The following PTPRN2 variants were observed in gnomAD, a reference collection of about 807,000 sequenced individuals.
PTPRN2 encodes protein tyrosine phosphatase receptor type N2.
PTPRN2 carries 74 observed loss-of-function variants against 118.8 expected under a neutral mutation model. That is an observed-to-expected ratio of 0.62 (90% CI 0.52 to 0.76). The LOEUF is 0.76. Among genes scored for constraint, PTPRN2 ranks in the 30% least tolerant of loss-of-function variants. PTPRN2 has a pLI of 0.00. For missense variants in PTPRN2, 1,481 were observed against 1,394.4 expected (o/e 1.06, Z -0.99); for synonymous variants, 641 against 608.0 (o/e 1.05, Z -0.80).
chr7:158,579,854 G>A (rs562225294), intron 1 of PTPRN2, among the ~76,000 whole-genome samples: 6 of 152,320 alleles, frequency 3.9e-5, no homozygotes, highest in East Asian at 3.9e-4. Flanking sequence ...CATGGATGCC[G>A]CAAGTCTTCT....
At position 158,479,263 on chromosome 7, in the gene PTPRN2, TTC is replaced by T. The variant is rs1395141607; in HGVS notation, c.163+10470_163+10471del. On this transcript the variant is annotated intron_variant, in intron 2 of 22. Transcript: ENST00000389418. ...GCACAGGAGGTACTCAGCCTGGACT[TTC>T]TGTGAGCGCTCAATACAAAACAGCC... Among the ~76,000 whole-genome samples the T allele has an allele frequency of 3.3e-5, 5 of 151,966 alleles. No individual in the cohort carries two copies. In the East Asian group the frequency reaches 9.7e-4, roughly 29 times the overall value.
intron 1 of PTPRN2, among the ~76,000 whole-genome samples, chr7:158,537,176 G>C (rs1226921118): frequency 1.3e-5 from 2 of 152,074 alleles, no homozygotes; most frequent in African/African-American, 2.4e-5. Context: ...CCAGCCTCCA[G>C]AAATGTGAAA....
intron 11 of PTPRN2, among the ~76,000 whole-genome samples, chr7:157,928,615 C>A (rs1320248823): frequency 6.8e-6 from 1 of 147,628 alleles, no homozygotes; most frequent in Non-Finnish European, 1.5e-5. Context: ...CTCTCACAAG[C>A]TGATCAATCT....
chr7:157,814,869 C>T (rs1383546531), intron 12 of PTPRN2, among the ~76,000 whole-genome samples: 4 of 152,196 alleles, frequency 2.6e-5, no homozygotes, highest in Non-Finnish European at 4.4e-5. Flanking sequence ...TTGCAGAGGG[C>T]GCCTCTGCAC....
rs564534486 is a variant in PTPRN2, at chr7:158,478,090, G to A, written c.163+11645C>T. On this transcript the variant is annotated intron_variant, in intron 2 of 22. Transcript: ENST00000389418. ...GGGGTGGTAGGCAGGCCATGCTGCA[G>A]AGTCACCACGGAGCGTGGGACAGGC... Among the ~76,000 whole-genome samples the A allele has an allele frequency of 7.2e-5, 11 of 152,370 alleles. No individual in the cohort carries two copies. The South Asian group carries it at 2.3e-3, about 32-fold the overall frequency.
chr7:158,522,901 G>A (rs1383846631), intron 1 of PTPRN2, among the ~76,000 whole-genome samples: 1 of 152,224 alleles, frequency 6.6e-6, no homozygotes, highest in East Asian at 1.9e-4. Flanking sequence ...GAACAGACCT[G>A]CCGTGAGAAG....
chr7:157,728,426 C>T (rs1171625740), intron 12 of PTPRN2, among the ~76,000 whole-genome samples: 1 of 152,232 alleles, frequency 6.6e-6, no homozygotes, highest in Non-Finnish European at 1.5e-5. Flanking sequence ...GCGCCCATGG[C>T]GGCTGGGGTT....
intron 2 of PTPRN2, among the ~76,000 whole-genome samples, chr7:158,436,884 G>A (rs1219563801): frequency 6.6e-6 from 1 of 152,002 alleles, no homozygotes; most frequent in Non-Finnish European, 1.5e-5. Flanking sequence ...GGTTTTCTTT[G>A]TGTTCATTCT....
intron 3 of PTPRN2, among the ~76,000 whole-genome samples, chr7:158,243,069 T>G (rs1194484230): frequency 6.6e-6 from 1 of 152,230 alleles, no homozygotes; most frequent in African/African-American, 2.4e-5. Flanking sequence ...GGGCTTAGTT[T>G]GTTCTTCATT....
chr7:158,497,997 A>G (rs534679892), intron 1 of PTPRN2, among the ~76,000 whole-genome samples: 69 of 152,382 alleles, frequency 4.5e-4, no homozygotes, highest in Middle Eastern at 6.8e-3. Context: ...CTTGGGGCTC[A>G]GGCCCCTCCA....
At chr7:158,556,223 G>T (rs1379238389) in intron 1 of PTPRN2, among the ~76,000 whole-genome samples, 3 of 151,940 alleles carry the variant, frequency 2.0e-5, no homozygotes, top group Non-Finnish European at 4.4e-5. Context: ...GGTAAAGATA[G>T]ATTAGATAGA....
intron 2 of PTPRN2, among the ~76,000 whole-genome samples, chr7:158,410,346 C>T (rs188936419): frequency 9.2e-5 from 14 of 152,314 alleles, no homozygotes; most frequent in Admixed American, 5.9e-4. Context: ...AATGAGGTCA[C>T]GATGCCAGAG....
intron 13 of PTPRN2, among the ~76,000 whole-genome samples, chr7:157,658,667 A>G (rs1474732322): frequency 6.6e-6 from 1 of 152,138 alleles, no homozygotes; most frequent in African/African-American, 2.4e-5. Context: ...CTGACCAACA[A>G]TCTCGTTTTG....
chr7:158,083,255 T>G (rs1373744337), intron 10 of PTPRN2, among the ~76,000 whole-genome samples: 1 of 151,770 alleles, frequency 6.6e-6, no homozygotes, highest in Admixed American at 6.6e-5. Flanking sequence ...ACGCAGGAGG[T>G]GATCAATTCA....
At chr7:158,244,585 TGA>T (rs1441419960) in intron 3 of PTPRN2, among the ~76,000 whole-genome samples, 7 of 151,900 alleles carry the variant, frequency 4.6e-5, no homozygotes, top group Non-Finnish European at 8.8e-5. Flanking sequence ...TGTGTGAGCG[TGA>T]GTTTTGTCTG....
At position 158,154,418 on chromosome 7, in the gene PTPRN2, A is replaced by G. The variant is rs975696838; in HGVS notation, c.910+12513T>C. Among the ~76,000 whole-genome samples, 15 of 152,334 alleles carry G rather than the reference A, an allele frequency of 9.8e-5. 1 individual carries two copies. The East Asian group carries it at 2.7e-3, about 27-fold the overall frequency. On this transcript the variant is annotated intron_variant, in intron 6 of 22. Coordinates refer to ENST00000389418, the MANE Select transcript of PTPRN2 (RefSeq NM_002847.5). ...TAATGCTCAGTATTTGTTGACAGGA[A>G]GTTGTGTCCCCTCTTCTAACACCGC...
At chr7:157,804,086 T>C (rs997939061) in intron 12 of PTPRN2, among the ~76,000 whole-genome samples, 4 of 152,244 alleles carry the variant, frequency 2.6e-5, no homozygotes, top group African/African-American at 9.6e-5. Context: ...GAGGATCTTA[T>C]GGGAAATTTA....
At chr7:158,321,781 ATG>A (rs748901054) in intron 2 of PTPRN2, among the ~76,000 whole-genome samples, 15 of 59,538 alleles carry the variant, frequency 2.5e-4, no homozygotes, top group Non-Finnish European at 5.6e-4. Context: ...CAAAACACTC[ATG>A]TGTGCAAATA....
chr7:157,996,327 A>G (rs1804729290), intron 11 of PTPRN2, among the ~76,000 whole-genome samples: 1 of 152,238 alleles, frequency 6.6e-6, no homozygotes, highest in Non-Finnish European at 1.5e-5. Context: ...GGGCCCATCT[A>G]TGTTATTCAG....
Sources: allele counts gnomAD v4.1 joint callset (sites outside exome capture counted in the v4.1 genomes callset), GRCh38; gene constraint gnomAD v4.1.1; transcripts MANE v1.5; gene names NCBI Gene and HGNC (gene_info 2026-07-23, HGNC 2026-07-21).